The following RAD51B variants were observed in gnomAD, a reference collection of about 807,000 sequenced individuals.
RAD51B encodes DNA repair protein RAD51 homolog 2.
A neutral mutation model predicts 42.2 loss-of-function variants in RAD51B; 38 were observed. That is an observed-to-expected ratio of 0.90 (90% CI 0.70 to 1.18). RAD51B has a LOEUF of 1.18. RAD51B is among the 50% of genes most tolerant of loss of function. The pLI, the probability that RAD51B is intolerant of heterozygous loss-of-function variation, is 0.00. For missense variants in RAD51B, 373 were observed against 400.7 expected (o/e 0.93, Z 0.59); for synonymous variants, 154 against 145.2 (o/e 1.06, Z -0.43).
intron 7 of RAD51B, 34 bp downstream of exon 7, chr14:67,887,238 C>T (rs762561329): frequency 6.6e-7 from 1 of 1,519,028 alleles, no homozygotes; most frequent in Non-Finnish European, 9.0e-7. Flanking sequence ...TTTTCTTTTC[C>T]TTTCTTTTGT....
At chr14:68,310,700 C>G (rs139740147) in intron 8 of RAD51B, among the ~76,000 whole-genome samples, 370 of 152,216 alleles carry the variant, frequency 2.4e-3, no homozygotes, top group African/African-American at 8.5e-3. Context: ...CAAAAATTAG[C>G]TGGGTGTGGT....
chr14:68,192,464 AT>A (rs879927582), intron 7 of RAD51B, among the ~76,000 whole-genome samples: 11 of 152,234 alleles, frequency 7.2e-5, no homozygotes, highest in Non-Finnish European at 1.3e-4. Flanking sequence ...TATAATCTTT[AT>A]ATTTCAGCTG....
intron 7 of RAD51B, among the ~76,000 whole-genome samples, chr14:68,070,807 A>G (rs1013258498): frequency 6.8e-6 from 1 of 147,762 alleles, no homozygotes; most frequent in Non-Finnish European, 1.5e-5. Context: ...TTTTTTTTCT[A>G]ATTATGTGAA....
intron 7 of RAD51B, among the ~76,000 whole-genome samples, chr14:68,271,754 A>T (rs2081108392): frequency 1.3e-5 from 2 of 152,246 alleles, no homozygotes; most frequent in African/African-American, 2.4e-5. Context: ...CAGACTGATC[A>T]ACTCGTAACA....
chr14:68,584,403 A>G (rs1890357503), intron 10 of RAD51B, among the ~76,000 whole-genome samples: 1 of 152,156 alleles, frequency 6.6e-6, no homozygotes, highest in Non-Finnish European at 1.5e-5. Flanking sequence ...TCACTCAAGC[A>G]AATTCATTAA....
At chr14:68,349,123 C>A (rs1305376086) in intron 8 of RAD51B, among the ~76,000 whole-genome samples, 1 of 152,030 alleles carries the variant, frequency 6.6e-6, no homozygotes, top group Non-Finnish European at 1.5e-5. Flanking sequence ...TTCTACATGT[C>A]ACAAAATTTT....
chr14:68,542,186 C>T (rs1355133393), intron 10 of RAD51B, among the ~76,000 whole-genome samples: 1 of 151,848 alleles, frequency 6.6e-6, no homozygotes, highest in Admixed American at 6.6e-5. Flanking sequence ...AGGGGAGTTC[C>T]ATTTATATCA....
chr14:68,679,654 C>A (rs573948632), intron 11 of RAD51B, among the ~76,000 whole-genome samples: 1 of 152,182 alleles, frequency 6.6e-6, no homozygotes, highest in Non-Finnish European at 1.5e-5. Context: ...CACCATTTAA[C>A]CTTGTTGGTA....
intron 7 of RAD51B, among the ~76,000 whole-genome samples, chr14:68,270,269 T>C (rs927013315): frequency 2.6e-5 from 4 of 152,220 alleles, no homozygotes. Context: ...AAGGAGCAGA[T>C]GGTTCACTGA....
intron 10 of RAD51B, among the ~76,000 whole-genome samples, chr14:68,505,051 T>C (rs540695421): frequency 6.6e-6 from 1 of 152,240 alleles, no homozygotes; most frequent in Non-Finnish European, 1.5e-5. Flanking sequence ...AGCAGCTCTT[T>C]GTCATTACGT....
chr14:68,072,127 ATATATAAT>A (rs1393510040), intron 7 of RAD51B, among the ~76,000 whole-genome samples: 1 of 135,324 alleles, frequency 7.4e-6, no homozygotes, highest in East Asian at 2.1e-4. Flanking sequence ...TATAAAATAT[ATATATAAT>A]TATATATATA....
intron 10 of RAD51B, among the ~76,000 whole-genome samples, chr14:68,523,873 C>T (rs8012659): frequency 0.065 from 9,873 of 152,258 alleles, 347 homozygotes; most frequent in African/African-American, 0.089. Context: ...CAAATGTATT[C>T]CTATAAAGCA....
intron 7 of RAD51B, among the ~76,000 whole-genome samples, chr14:68,211,702 G>A (rs2079712476): frequency 6.6e-6 from 1 of 152,214 alleles, no homozygotes; most frequent in Non-Finnish European, 1.5e-5. Context: ...CTAGGCCAAA[G>A]ACTGGCCTAG....
chr14:68,136,575 C>CA (rs1204817902), intron 7 of RAD51B, among the ~76,000 whole-genome samples: 240 of 4,436 alleles, frequency 0.054, 68 homozygotes, highest in South Asian at 0.28. Context: ...GACTCCATCT[C>CA]AAAAAAAAAA....
chr14:68,347,738 A>G lies in RAD51B; in HGVS notation c.853+55758A>G, dbSNP rs140580557. Among the ~76,000 whole-genome samples the G allele has an allele frequency of 5.3e-5, 8 of 152,310 alleles. No homozygotes were observed. In the East Asian group the frequency reaches 1.5e-3, roughly 29 times the overall value. ...ATCAGCAGTTTCAGCTACTAATACT[A>G]GCAGTCTTTGTTCCTCTTAGAGTGC... is the stretch of plus-strand genomic sequence containing the variant. On this transcript the variant is annotated intron_variant, in intron 8 of 10. Transcript: ENST00000471583.
intron 7 of RAD51B, among the ~76,000 whole-genome samples, chr14:68,282,234 C>T (rs1405963007): frequency 2.0e-5 from 3 of 152,114 alleles, no homozygotes; most frequent in Non-Finnish European, 1.5e-5. Flanking sequence ...CCACCTGCCT[C>T]GGCCTCCCAA....
chr14:68,234,509 C>T (rs554002499), intron 7 of RAD51B, among the ~76,000 whole-genome samples: 1 of 152,298 alleles, frequency 6.6e-6, no homozygotes, highest in Admixed American at 6.5e-5. Flanking sequence ...GCCTGCTATA[C>T]ACCTTGGCTG....
At chr14:68,263,478 T>C (rs913836455) in intron 7 of RAD51B, among the ~76,000 whole-genome samples, 2 of 152,196 alleles carry the variant, frequency 1.3e-5, no homozygotes, top group African/African-American at 4.8e-5. Flanking sequence ...TTAAACAAGG[T>C]CTTAGAACTT....
At chr14:68,238,452 C>G (rs1198048973) in intron 7 of RAD51B, among the ~76,000 whole-genome samples, 3 of 152,100 alleles carry the variant, frequency 2.0e-5, no homozygotes, top group African/African-American at 7.2e-5. Context: ...AGGTATGTAC[C>G]ACTGTGCCCA....
Sources: gnomAD v4.1 joint callset for allele counts (sites outside exome capture counted in the v4.1 genomes callset) on GRCh38, gnomAD v4.1.1 for gene constraint, MANE v1.5 for transcripts, NCBI Gene and HGNC (gene_info 2026-07-23, HGNC 2026-07-21) for gene names.